Variants in CSMD1 observed in about 807,000 individuals in gnomAD.
The protein encoded by CSMD1 is CUB and sushi domain-containing protein 1.
Under a neutral mutation model 417.5 loss-of-function variants are expected in CSMD1, and 213 were observed. The observed-to-expected ratio is 0.51, with a 90% CI of 0.46 to 0.57. The LOEUF (loss-of-function observed/expected upper bound fraction) is 0.57. CSMD1 is among the 20% of genes least tolerant of loss of function. CSMD1 has a pLI of 0.00. For missense variants in CSMD1, 6,923 were observed against 4,529.7 expected (o/e 1.53, Z -15.17); for synonymous variants, 2,862 against 1,736.8 (o/e 1.65, Z -16.11).
rs151129222 is a variant in CSMD1 at position 4,538,873 on chromosome 8, C to A, written c.302+98469G>T. Among the ~76,000 whole-genome samples, 1,153 of 152,268 alleles carry A rather than the reference C, an allele frequency of 7.6e-3. 11 individuals are homozygous for A. Among genetic ancestry groups the A allele is most frequent in the Non-Finnish European group, 0.012 (797 of 68,028 alleles). On this transcript the variant is annotated intron_variant, in intron 2 of 69. Coordinates refer to ENST00000635120, the MANE Select transcript of CSMD1 (RefSeq NM_033225.6). ...AAACTGATTTCTCAAATGTACAGTT[C>A]TTGCTTACCAAAGTTCCCCTTTTAT...
intron 7 of CSMD1, among the ~76,000 whole-genome samples, chr8:3,640,058 C>A (rs13267319): frequency 0.49 from 74,466 of 151,546 alleles, 18,452 homozygotes; most frequent in Middle Eastern, 0.63. Context: ...AATCTAATTG[C>A]ATAAGAAGCA....
chr8:4,982,419 T>G (rs951557717), intron 1 of CSMD1, among the ~76,000 whole-genome samples: 2 of 152,192 alleles, frequency 1.3e-5, no homozygotes, highest in African/African-American at 4.8e-5. Context: ...GCTATAAAAT[T>G]ATCTTGCTAC....
intron 25 of CSMD1, among the ~76,000 whole-genome samples, chr8:3,292,701 A>G (rs1434216760): frequency 2.0e-5 from 3 of 151,876 alleles, no homozygotes; most frequent in African/African-American, 7.3e-5. Context: ...CCATCCTTTT[A>G]TTTTGAGCCT....
intron 1 of CSMD1, among the ~76,000 whole-genome samples, chr8:4,967,088 T>C (rs2117362543): frequency 6.6e-6 from 1 of 152,292 alleles, no homozygotes; most frequent in East Asian, 1.9e-4. Flanking sequence ...TGATTTGAAA[T>C]GTCTGAGCAG....
chr8:4,386,354 C>T (rs1803454294), intron 3 of CSMD1, among the ~76,000 whole-genome samples: 1 of 151,928 alleles, frequency 6.6e-6, no homozygotes, highest in Admixed American at 6.6e-5. Context: ...TTCCATCCCA[C>T]TCAAACAATA....
At chr8:4,497,794 A>C (rs1802052972) in intron 2 of CSMD1, among the ~76,000 whole-genome samples, 2 of 152,214 alleles carry the variant, frequency 1.3e-5, no homozygotes, top group Admixed American at 6.5e-5. Context: ...GCTTAGCAGA[A>C]AGATTGGTAG....
intron 2 of CSMD1, among the ~76,000 whole-genome samples, chr8:4,627,415 C>A (rs1563347321): frequency 1.3e-5 from 2 of 152,132 alleles, no homozygotes; most frequent in Non-Finnish European, 2.9e-5. Flanking sequence ...ACTATTTCAA[C>A]AAACTACTTC....
intron 5 of CSMD1, among the ~76,000 whole-genome samples, chr8:3,908,192 T>A (rs1172423214): frequency 6.6e-6 from 1 of 152,192 alleles, no homozygotes; most frequent in Non-Finnish European, 1.5e-5. Context: ...CCAGGCTAGA[T>A]ACTAAGCACA....
intron 12 of CSMD1, among the ~76,000 whole-genome samples, chr8:3,459,064 C>T (rs115427178): frequency 0.014 from 2,111 of 152,264 alleles, 50 homozygotes; most frequent in African/African-American, 0.047. Flanking sequence ...GCGGCATGAG[C>T]GCCAGTGTGG....
intron 2 of CSMD1, among the ~76,000 whole-genome samples, chr8:4,511,971 G>A (rs750358018): frequency 6.6e-6 from 1 of 152,076 alleles, no homozygotes; most frequent in East Asian, 1.9e-4. Flanking sequence ...ATCAACACCA[G>A]ACAGAGGCAT....
At chr8:3,853,857 CTTAATATATTATACTTTAATATA>C (rs1279109949) in intron 5 of CSMD1, among the ~76,000 whole-genome samples, 3 of 140,778 alleles carry the variant, frequency 2.1e-5, no homozygotes, top group Non-Finnish European at 4.7e-5. Flanking sequence ...TACCCTAAAA[CTTAATATATTATACTTTAATATA>C]TTAATATATT....
In CSMD1 at chr8:3,367,141, C is replaced by A. The variant is rs201067702; in HGVS notation, c.3006G>T (p.Ser1002=). 9.3e-6 allele frequency: 15 copies of A among 1,613,436 alleles called. No homozygotes were observed. The highest frequency in any genetic ancestry group is 5.0e-5 in the Admixed American group (3 of 59,950). Residue 1002 remains serine (S), a synonymous_variant, in exon 20 of 70, where the codon TCG becomes TCT. Transcript: ENST00000635120. ...CTGCCTTGATCGTATGAGGCAACACCGACCCGGTGAGCCTGGCAACGGGCT... is the reference window on the plus strand; with the variant it reads ...CTGCCTTGATCGTATGAGGCAACACAGACCCGGTGAGCCTGGCAACGGGCT... ...FSEPVARLTG[S]VLPHTIKAGL...
intron 6 of CSMD1, among the ~76,000 whole-genome samples, chr8:3,732,694 A>G (rs896010838): frequency 3.3e-5 from 5 of 152,166 alleles, no homozygotes; most frequent in African/African-American, 1.2e-4. Flanking sequence ...ACAGAAAAAA[A>G]GAAAAGTAAA....
intron 12 of CSMD1, among the ~76,000 whole-genome samples, chr8:3,428,840 G>A (rs1450587974): frequency 6.6e-6 from 1 of 152,072 alleles, no homozygotes; most frequent in Non-Finnish European, 1.5e-5. Flanking sequence ...GTAAAAATGT[G>A]GAATACTATT....
At chr8:3,063,180 T>C (rs964955758) in intron 49 of CSMD1, among the ~76,000 whole-genome samples, 10 of 152,198 alleles carry the variant, frequency 6.6e-5, no homozygotes, top group South Asian at 4.1e-4. Context: ...TTTTGGAGCC[T>C]ATCCTCATCC....
At chr8:4,378,001 T>A (rs904313043) in intron 3 of CSMD1, among the ~76,000 whole-genome samples, 1 of 152,220 alleles carries the variant, frequency 6.6e-6, no homozygotes, top group African/African-American at 2.4e-5. Context: ...TTTAAATATA[T>A]TTGTAATTCC....
At chr8:3,262,545 A>G (rs889826721) in intron 26 of CSMD1, among the ~76,000 whole-genome samples, 78 of 152,020 alleles carry the variant, frequency 5.1e-4, no homozygotes, top group African/African-American at 1.9e-3. Flanking sequence ...AAATGAAAAA[A>G]AAAAGAAAAA....
At chr8:3,769,704 T>C (rs531176281) in intron 5 of CSMD1, among the ~76,000 whole-genome samples, 1 of 152,190 alleles carries the variant, frequency 6.6e-6, no homozygotes, top group South Asian at 2.1e-4. Context: ...CTGTGAACTA[T>C]TCCATTGAGT....
intron 5 of CSMD1, among the ~76,000 whole-genome samples, chr8:3,802,296 T>C (rs967802881): frequency 6.6e-6 from 1 of 152,172 alleles, no homozygotes; most frequent in Non-Finnish European, 1.5e-5. Context: ...TTTTCCACTT[T>C]AAAATACTAT....
Sources: gnomAD v4.1 joint callset for allele counts (sites outside exome capture counted in the v4.1 genomes callset) on GRCh38, gnomAD v4.1.1 for gene constraint, MANE v1.5 for transcripts, NCBI Gene and HGNC (gene_info 2026-07-23, HGNC 2026-07-21) for gene names.